Variants in CFAP20DC observed in about 807,000 individuals in gnomAD.
CFAP20DC encodes the protein protein CFAP20DC.
In CFAP20DC, 84 loss-of-function variants were observed where a neutral mutation model predicts 101.7. The observed-to-expected ratio is 0.83, with a 90% CI of 0.69 to 0.99. The LOEUF (loss-of-function observed/expected upper bound fraction) is 0.99, where lower values mean the gene tolerates loss of function less well. CFAP20DC is among the 50% of genes least tolerant of loss of function. CFAP20DC has a pLI of 0.00. For missense variants in CFAP20DC, 1,007 were observed against 970.3 expected (o/e 1.04, Z -0.50); for synonymous variants, 359 against 351.2 (o/e 1.02, Z -0.25).
intron 3 of CFAP20DC, 40 bp from the exon 4 acceptor site, chr3:59,039,669 A>T: frequency 8.0e-7 from 1 of 1,251,968 alleles, no homozygotes; most frequent in South Asian, 1.4e-5. Flanking sequence ...TGTTCGAAGC[A>T]TTTATATGTG....
chr3:58,796,015 T>C (rs762734900), intron 15 of CFAP20DC, among the ~76,000 whole-genome samples: 24 of 151,922 alleles, frequency 1.6e-4, no homozygotes, highest in Non-Finnish European at 2.9e-4. Context: ...TGAAGACAAA[T>C]AAATCTTGGG....
chr3:58,833,573 C>T (rs1260838132), intron 13 of CFAP20DC, among the ~76,000 whole-genome samples: 4 of 152,078 alleles, frequency 2.6e-5, no homozygotes, highest in East Asian at 3.8e-4. Flanking sequence ...GACAATAACA[C>T]GTATTGGCAA....
intron 13 of CFAP20DC, among the ~76,000 whole-genome samples, chr3:58,847,544 T>A (rs1399326603): frequency 1.3e-5 from 2 of 151,974 alleles, no homozygotes; most frequent in Non-Finnish European, 2.9e-5. Flanking sequence ...TGTGGAGAAA[T>A]AGGAACACTT....
At chr3:58,927,909 G>A (rs187213539) in intron 5 of CFAP20DC, among the ~76,000 whole-genome samples, 155 of 152,268 alleles carry the variant, frequency 1.0e-3, no homozygotes, top group African/African-American at 3.5e-3. Context: ...GGAAAGGAAA[G>A]ACCCTCTGCT....
chr3:58,923,412 T>C (rs973861343), intron 5 of CFAP20DC, among the ~76,000 whole-genome samples: 11 of 152,200 alleles, frequency 7.2e-5, no homozygotes, highest in Non-Finnish European at 1.3e-4. Context: ...ATCAGTTTAC[T>C]GGCAATGGAT....
chr3:59,004,125 G>C (rs1328898240), intron 4 of CFAP20DC, among the ~76,000 whole-genome samples: 1 of 152,166 alleles, frequency 6.6e-6, no homozygotes, highest in Non-Finnish European at 1.5e-5. Flanking sequence ...AAGCTAGAAA[G>C]AGAAAGAACA....
At chr3:58,833,255 T>C (rs958281824) in intron 13 of CFAP20DC, among the ~76,000 whole-genome samples, 1 of 152,178 alleles carries the variant, frequency 6.6e-6, no homozygotes, top group African/African-American at 2.4e-5. Flanking sequence ...ATCCTTATAG[T>C]TCATGGCACA....
chr3:58,964,024 A>C lies in CFAP20DC; in HGVS notation c.279-26262T>G, dbSNP rs749018395. ...CTAGGCAAGGGTTAAGTTATGCACT[A>C]TTACACTTAAAGAATGAACTCTGTT... On this transcript the variant is annotated intron_variant, in intron 4 of 16. Transcript: ENST00000482387. This position sits in a 1 kb window ranked among gnomAD's most constrained non-coding sequence, Gnocchi z 4.1. Among the ~76,000 whole-genome samples the C allele has an allele frequency of 5.3e-5, 8 of 152,366 alleles. No homozygotes were observed. Among genetic ancestry groups the C allele is most frequent in the Non-Finnish European group, 1.0e-4 (7 of 68,032 alleles).
chr3:59,019,389 G>A (rs1246386550), intron 4 of CFAP20DC, among the ~76,000 whole-genome samples: 2 of 151,858 alleles, frequency 1.3e-5, no homozygotes, highest in East Asian at 3.9e-4. Flanking sequence ...AGGGGAACAT[G>A]ATCCCAAACA....
intron 4 of CFAP20DC, among the ~76,000 whole-genome samples, chr3:59,032,754 G>A (rs1376500274): frequency 6.6e-6 from 1 of 152,152 alleles, no homozygotes. Context: ...TGGGGGAAGG[G>A]GCGGCTGTGG....
chr3:58,821,388 C>T (rs1230846142), intron 14 of CFAP20DC, among the ~76,000 whole-genome samples: 1 of 152,052 alleles, frequency 6.6e-6, no homozygotes, highest in Non-Finnish European at 1.5e-5. Flanking sequence ...TTTTTGCAAC[C>T]TACTCATCTG....
intron 4 of CFAP20DC, among the ~76,000 whole-genome samples, chr3:59,013,458 T>C (rs1559991406): frequency 1.3e-5 from 2 of 152,154 alleles, no homozygotes; most frequent in Non-Finnish European, 2.9e-5. Context: ...CATCATATAA[T>C]TGAAAAATAA....
intron 4 of CFAP20DC, among the ~76,000 whole-genome samples, chr3:58,985,681 A>G (rs1183050050): frequency 1.3e-5 from 2 of 152,300 alleles, no homozygotes; most frequent in African/African-American, 4.8e-5. Flanking sequence ...TTGTTCTATG[A>G]AACCCGTTAG....
At chr3:58,759,527 T>G (rs2069321028) in intron 15 of CFAP20DC, among the ~76,000 whole-genome samples, 1 of 152,230 alleles carries the variant, frequency 6.6e-6, no homozygotes, top group Non-Finnish European at 1.5e-5. Flanking sequence ...GTGCAGAAGC[T>G]CTTCAGTTTA....
rs2091930357 is a variant in CFAP20DC at position 58,971,232 on chromosome 3, G to A, written c.279-33470C>T. Among the ~76,000 whole-genome samples, 1 of 152,090 alleles carries A rather than the reference G, an allele frequency of 6.6e-6. No individual in the cohort carries two copies. Among genetic ancestry groups the A allele is most frequent in the South Asian group, 2.1e-4 (1 of 4,830 alleles). On this transcript the variant is annotated intron_variant, in intron 4 of 16. Coordinates refer to ENST00000482387, the MANE Select transcript of CFAP20DC (RefSeq NM_001394063.1). The surrounding 1 kb of genome is among the most constrained non-coding windows in gnomAD (Gnocchi z 4.1). ...AGAAGATATTTGGCACTGAAAGTAC[G>A]TTTTTCACAAATCACAAATCAGTTA...
chr3:58,995,320 A>G (rs897188163), intron 4 of CFAP20DC, among the ~76,000 whole-genome samples: 38 of 151,994 alleles, frequency 2.5e-4, no homozygotes, highest in Admixed American at 8.5e-4. Flanking sequence ...CCACTGGCAC[A>G]TGTCTTTACA....
chr3:58,894,213 G>A lies in CFAP20DC; in HGVS notation c.551-9504C>T, dbSNP rs921767332. Among the ~76,000 whole-genome samples, 3 of 152,054 alleles carry A rather than the reference G, an allele frequency of 2.0e-5. No homozygotes were observed. Among genetic ancestry groups the A allele is most frequent in the Non-Finnish European group, 4.4e-5 (3 of 68,014 alleles). On this transcript the variant is annotated intron_variant, in intron 6 of 16. Coordinates refer to ENST00000482387, the MANE Select transcript of CFAP20DC (RefSeq NM_001394063.1). The surrounding 1 kb of genome is among the most constrained non-coding windows in gnomAD (Gnocchi z 4.1). The stretch of plus-strand genomic sequence containing the variant: ...GTCCTCACATTTCAAAGCCAATTAT[G>A]CCTTCCCAACAGTCCCCCGAAGTCT...
At chr3:58,938,695 C>T (rs906514401) in intron 4 of CFAP20DC, among the ~76,000 whole-genome samples, 2 of 152,020 alleles carry the variant, frequency 1.3e-5, no homozygotes, top group African/African-American at 4.8e-5. Flanking sequence ...TTTTCTACAG[C>T]ACTTCCGTTC....
chr3:58,825,488 C>G (rs1325603176), intron 14 of CFAP20DC, among the ~76,000 whole-genome samples: 1 of 151,828 alleles, frequency 6.6e-6, no homozygotes, highest in Non-Finnish European at 1.5e-5. Flanking sequence ...GTTTGGGCAT[C>G]CCATGAAGCA....
Sources: allele counts gnomAD v4.1 joint callset (sites outside exome capture counted in the v4.1 genomes callset), GRCh38; gene constraint gnomAD v4.1.1; non-coding constraint Gnocchi (gnomAD v3.1); transcripts MANE v1.5; gene names NCBI Gene and HGNC (gene_info 2026-07-23, HGNC 2026-07-21).